The following DPH7 variants were observed in gnomAD, a reference collection of about 807,000 sequenced individuals.
The protein encoded by DPH7 is diphthine methyltransferase.
A neutral mutation model predicts 41.7 loss-of-function variants in DPH7; 44 were observed. The ratio of observed to expected loss-of-function variants is 1.05; its 90% CI spans 0.83 to 1.36. The LOEUF is 1.36. DPH7 is among the 40% of genes most tolerant of loss of function. The probability of loss-of-function intolerance (pLI) is 0.00; values close to 1 mark genes in which losing one functional copy is unlikely to be tolerated. For synonymous variants in DPH7, 275 were observed against 238.0 expected, an observed-to-expected ratio of 1.16 and a Z score of -1.43; for missense variants, 629 against 577.5, an observed-to-expected ratio of 1.09 and a Z score of -0.91.
rs183517919 is a variant in DPH7 at position 137,556,285 on chromosome 9, G to T, written c.950-637C>A. Reference sequence around the variant, plus strand: ...CACACAGCAACAGAGGGAATGACGAGGCGTGGCCAAACCCGAGGCGATCTG... The same window carrying T: ...CACACAGCAACAGAGGGAATGACGATGCGTGGCCAAACCCGAGGCGATCTG... On this transcript the variant is annotated intron_variant, in intron 8 of 8. Coordinates refer to ENST00000277540, the MANE Select transcript of DPH7 (RefSeq NM_138778.5). The surrounding 1 kb of genome is among the most constrained non-coding windows in gnomAD (Gnocchi z 5.2). Among the ~76,000 whole-genome samples the T allele has an allele frequency of 6.6e-6, 1 of 152,222 alleles. No homozygotes were observed. The highest frequency in any genetic ancestry group is 2.4e-5 in the African/African-American group (1 of 41,466).
chr9:137,574,123 C>G (rs562063495), intron 5 of DPH7, 85 bp downstream of exon 5: 2 of 1,397,726 alleles, frequency 1.4e-6, no homozygotes, highest in African/African-American at 2.9e-5. Flanking sequence ...ACTGGAATCA[C>G]AGCTGTGGCA....
In DPH7 at chr9:137,556,192, T is replaced by C. The variant is rs1301258835; in HGVS notation, c.950-544A>G. Among the ~76,000 whole-genome samples the C allele has an allele frequency of 6.6e-6, 1 of 152,050 alleles. No homozygotes were observed. The highest frequency in any genetic ancestry group is 1.5e-5 in the Non-Finnish European group (1 of 68,006). ...GCTTGGAAAGGAGCCACTGACAAGG[T>C]TAAGTGAGCAGTTTCTTTATAGAAG... On this transcript the variant is annotated intron_variant, in intron 8 of 8. Transcript: ENST00000277540. This position sits in a 1 kb window ranked among gnomAD's most constrained non-coding sequence, Gnocchi z 5.2.
At position 137,554,628 on chromosome 9, in the gene DPH7, C is replaced by G. The variant is rs1837159798; in HGVS notation, c.*611G>C. Among the ~76,000 whole-genome samples, 1 of 152,036 alleles carries G rather than the reference C, an allele frequency of 6.6e-6. No homozygotes were observed. Among genetic ancestry groups the G allele is most frequent in the Non-Finnish European group, 1.5e-5 (1 of 68,016 alleles). ...ATTTTTGTTTTACTTTTTATAGAGA[C>G]TGGGTTTTGCTATGTTGCCCAGGCT... On this transcript the variant is annotated 3_prime_UTR_variant, in exon 9 of 9. Coordinates refer to ENST00000277540, the MANE Select transcript of DPH7 (RefSeq NM_138778.5).
At position 137,555,449 on chromosome 9, in the gene DPH7, A is replaced by G; in HGVS notation, c.1149T>C (p.Asp383=). 4 of 1,613,924 alleles carry G rather than the reference A, an allele frequency of 2.5e-6. No individual in the cohort carries two copies. Among genetic ancestry groups the G allele is most frequent in the Non-Finnish European group, 3.4e-6 (4 of 1,179,938 alleles). ...LPTPCHECRE[D]NDGEGHARPQ... ...GTCTGGCATGGCCCTCCCCATCGTT[A>G]TCCTCTCTGCATTCATGACAGGGTG... Residue 383 remains aspartate (D), a synonymous_variant, in exon 9 of 9, where the codon GAT becomes GAC. Transcript: ENST00000277540.
chr9:137,564,710 C>A, intron 7 of DPH7, 104 bp from the exon 8 acceptor site: 2 of 1,501,194 alleles, frequency 1.3e-6, no homozygotes, highest in East Asian at 2.3e-5. Flanking sequence ...CTGTCCCATG[C>A]ATCCCTCGAG....
rs949925601 is a variant in DPH7, at chr9:137,564,801, G to A, written c.776+92C>T. On this transcript the variant is annotated intron_variant, in intron 7 of 8. Transcript: ENST00000277540. ...ACGAAATGCTGCAATGGTGCCAGGA[G>A]GAAAGGCAGCGAAAGAGGGAAGAAG... is the stretch of plus-strand genomic sequence containing the variant. The A allele has an allele frequency of 1.5e-4, 219 of 1,476,424 alleles. 2 individuals carry two copies. Among genetic ancestry groups the A allele is most frequent in the Admixed American group, 5.6e-4 (29 of 51,400 alleles). The allele number at this position is 1,476,424 out of a possible 1,614,324, so 91.5% of individuals were successfully genotyped here. A position where few individuals can be genotyped will look rare whatever the true frequency, so the allele number is the denominator to read the frequency against.
At chr9:137,564,187 G>A (rs1306916634) in intron 8 of DPH7, among the ~76,000 whole-genome samples, 2 of 152,260 alleles carry the variant, frequency 1.3e-5, no homozygotes, top group East Asian at 1.9e-4. Flanking sequence ...CTGCCGAAAT[G>A]CAGGAGGCAC....
intron 8 of DPH7, among the ~76,000 whole-genome samples, chr9:137,561,034 A>AAAAAAAAAAAAAAAAG (rs1564414568): frequency 3.1e-5 from 4 of 129,534 alleles, no homozygotes; most frequent in South Asian, 5.2e-4. Context: ...AAAAAAAAAA[A>AAAAAAAAAAAAAAAAG]AAAAAAAGAA....
intron 4 of DPH7, 101 bp from the exon 5 acceptor site, chr9:137,574,481 A>C (rs1841038681): frequency 1.6e-6 from 2 of 1,241,192 alleles, no homozygotes; most frequent in Non-Finnish European, 2.3e-6. Flanking sequence ...CAGCCCTGGG[A>C]TGCGGATATG....
At chr9:137,575,687 G>A (rs989089007) in intron 3 of DPH7, 11 of 1,035,262 alleles carry the variant, frequency 1.1e-5, no homozygotes, top group African/African-American at 5.0e-5. Flanking sequence ...GAGAAACTCG[G>A]AAAAATTCAC....
chr9:137,574,128 G>T, intron 5 of DPH7, 80 bp downstream of exon 5: 1 of 1,432,274 alleles, frequency 7.0e-7, no homozygotes, highest in Non-Finnish European at 9.6e-7. Flanking sequence ...AATCACAGCT[G>T]TGGCACAGGC....
intron 8 of DPH7, among the ~76,000 whole-genome samples, chr9:137,563,526 C>T (rs1316688025): frequency 5.5e-5 from 6 of 109,946 alleles, no homozygotes; most frequent in African/African-American, 9.4e-5. Context: ...AGCAAGACTC[C>T]GTCTCAAAAA....
At chr9:137,565,210 A>C in intron 5 of DPH7, 56 bp from the exon 6 acceptor site, 19 of 1,584,362 alleles carry the variant, frequency 1.2e-5, no homozygotes, top group Non-Finnish European at 1.6e-5. Context: ...GAGTGTTCTC[A>C]GTTAGGCCGT....
chr9:137,564,478 C>T lies in DPH7; in HGVS notation c.905G>A (p.Cys302Tyr), dbSNP rs373123717. Reference sequence around the variant, plus strand: ...GAGGATCTTAAAGCCACTGTGCATGCAGGCGGCCAGGAGCAGGTGGTGGTG... The same window carrying T: ...GAGGATCTTAAAGCCACTGTGCATGTAGGCGGCCAGGAGCAGGTGGTGGTG... ...PFHHHLLLAACMHSGFKILNC... is the reference protein window; with the variant it reads ...PFHHHLLLAAYMHSGFKILNC... The change falls in exon 8 of 9, where the codon TGC (cysteine) becomes TAC (tyrosine). Residue 302 changes from cysteine (C) to tyrosine (Y), a missense_variant. Cys to Tyr is a radical substitution (Grantham distance 194). Transcript: ENST00000277540. 3 of 1,614,102 alleles carry T rather than the reference C, an allele frequency of 1.9e-6. No individual in the cohort carries two copies. Among genetic ancestry groups the T allele is most frequent in the Non-Finnish European group, 2.5e-6 (3 of 1,180,000 alleles).
intron 3 of DPH7, 167 bp from the exon 4 acceptor site, chr9:137,575,010 G>C (rs964327185): frequency 2.3e-5 from 33 of 1,417,430 alleles, no homozygotes; most frequent in Middle Eastern, 2.3e-4. Context: ...ACCCCTGCTA[G>C]GGGCCCCGAG....
At position 137,565,201 on chromosome 9, in the gene DPH7, A is replaced by G. The variant is rs1385161287; in HGVS notation, c.641-47T>C. On this transcript the variant is annotated intron_variant, in intron 5 of 8. Transcript: ENST00000277540. ...TCAACACCACTAATGACAGGAAATGAGTGTTCTCAGTTAGGCCGTTGATGT... is the reference window on the plus strand; with the variant it reads ...TCAACACCACTAATGACAGGAAATGGGTGTTCTCAGTTAGGCCGTTGATGT... 9 of 1,598,252 alleles carry G rather than the reference A, an allele frequency of 5.6e-6. No homozygotes were observed. The East Asian group carries it at 2.0e-4, about 36-fold the overall frequency.
Position 137,556,960 on chromosome 9 carries a change from C to T in DPH7, c.950-1312G>A, listed in dbSNP as rs1837616974. On this transcript the variant is annotated intron_variant, in intron 8 of 8. Coordinates refer to ENST00000277540, the MANE Select transcript of DPH7 (RefSeq NM_138778.5). The surrounding 1 kb of genome is among the most constrained non-coding windows in gnomAD (Gnocchi z 5.2). ...ATTAGCCACAGGCCAACGTTTCCTC[C>T]CTCTTTTTATTTTCAAGACAGGACC... The T allele has an allele frequency of 2.2e-6, 1 of 453,904 alleles. No individual in the cohort carries two copies. Among genetic ancestry groups the T allele is most frequent in the Admixed American group, 2.4e-5 (1 of 41,988 alleles). The allele number at this position is 453,904 out of a possible 1,614,324, so 28.1% of individuals were successfully genotyped here. A position where few individuals can be genotyped will look rare whatever the true frequency, so the allele number is the denominator to read the frequency against.
Position 137,570,982 on chromosome 9 carries a change from G to A in DPH7, c.640+3226C>T, listed in dbSNP as rs1045170277. ...CTCCCCGCCACAGAATGTAAGCTGGGTGAAAGCAGGGACTTTTATGTGAAA... is the reference window on the plus strand; with the variant it reads ...CTCCCCGCCACAGAATGTAAGCTGGATGAAAGCAGGGACTTTTATGTGAAA... On this transcript the variant is annotated intron_variant, in intron 5 of 8. Transcript: ENST00000277540. Among the ~76,000 whole-genome samples, 6 of 152,218 alleles carry A rather than the reference G, an allele frequency of 3.9e-5. No individual in the cohort carries two copies. The South Asian group carries it at 8.3e-4, about 21-fold the overall frequency.
chr9:137,574,346 C>T lies in DPH7; in HGVS notation c.502G>A (p.Asp168Asn). The change falls in exon 5 of 9, where the codon GAC (aspartate) becomes AAC (asparagine). Residue 168 changes from aspartate to asparagine, a missense_variant. Physicochemically the swap from Asp to Asn is conservative, Grantham distance 23. Transcript: ENST00000277540. ...GDQPLKIISS[D>N]STGQLHLLMV... ...AGGAGGTGGAGCTGCCCTGTGGAGT[C>T]ACTGCTGATGATCTTCAAGGGCTGG... 1 of 1,614,148 alleles carries T rather than the reference C, an allele frequency of 6.2e-7. No homozygotes were observed. The highest frequency in any genetic ancestry group is 1.1e-5 in the South Asian group (1 of 91,080).
Sources: gnomAD v4.1 joint callset for allele counts (sites outside exome capture counted in the v4.1 genomes callset) on GRCh38, gnomAD v4.1.1 for gene constraint, Gnocchi (gnomAD v3.1) non-coding constraint, MANE v1.5 for transcripts, NCBI Gene and HGNC (gene_info 2026-07-23, HGNC 2026-07-21) for gene names.